TPRG1: variants seen among roughly 807,000 people sequenced by gnomAD.
TPRG1 encodes tumor protein p63 regulated 1.
In TPRG1, 29 loss-of-function variants were observed where a neutral mutation model predicts 29.3. That is an observed-to-expected ratio of 0.99 (90% CI 0.74 to 1.35). The LOEUF (loss-of-function observed/expected upper bound fraction) is 1.35. Among genes scored for constraint, TPRG1 ranks in the 40% most tolerant of loss-of-function variants. TPRG1 has a pLI of 0.00. For synonymous variants in TPRG1, 130 were observed against 116.8 expected, an observed-to-expected ratio of 1.11 and a Z score of -0.73; for missense variants, 327 against 335.0, an observed-to-expected ratio of 0.98 and a Z score of 0.19.
chr3:189,194,420 G>T (rs982735434), intron 1 of TPRG1, among the ~76,000 whole-genome samples: 3 of 152,168 alleles, frequency 2.0e-5, no homozygotes, highest in Admixed American at 6.5e-5. Context: ...CAGCTGTGGT[G>T]CAAAGGTCCT....
At position 189,215,354 on chromosome 3, in the gene TPRG1, G is replaced by A. The variant is rs1405868964; in HGVS notation, c.273G>A (p.Glu91=). The change falls in exon 3 of 6, where the codon GAG becomes GAA. Residue 91 remains glutamate (E), a synonymous_variant. Transcript: ENST00000345063. ...GTCACGTAGCTGAGACTTCTGGAGA[G>A]ACCATTCAAGGCTTCTGGCTCTTGA... The part of the protein sequence containing the change: ...LKGHVAETSG[E]TIQGFWLLTK... 6.2e-7 allele frequency: 1 copy of A among 1,612,386 alleles called. No homozygotes were observed. The highest frequency in any genetic ancestry group is 8.5e-7 in the Non-Finnish European group (1 of 1,179,282).
At chr3:189,297,234 T>C (rs1720093125) in intron 4 of TPRG1, among the ~76,000 whole-genome samples, 1 of 151,966 alleles carries the variant, frequency 6.6e-6, no homozygotes, top group African/African-American at 2.4e-5. Context: ...GCCTGCCTCA[T>C]CATCCCAAAG....
At chr3:189,250,097 C>T (rs543993973) in intron 4 of TPRG1, among the ~76,000 whole-genome samples, 1 of 152,260 alleles carries the variant, frequency 6.6e-6, no homozygotes, top group African/African-American at 2.4e-5. Flanking sequence ...CCAATTGTTA[C>T]CACTGGGGAC....
At chr3:189,268,700 G>A (rs1714552136) in intron 4 of TPRG1, among the ~76,000 whole-genome samples, 1 of 152,164 alleles carries the variant, frequency 6.6e-6, no homozygotes, top group Admixed American at 6.5e-5. Context: ...TTCTTCTAGG[G>A]AAGGGCTCCT....
intron 5 of TPRG1, among the ~76,000 whole-genome samples, chr3:189,158,481 C>A (rs1450055387): frequency 6.6e-6 from 1 of 151,904 alleles, no homozygotes; most frequent in Non-Finnish European, 1.5e-5. Flanking sequence ...TGGTGGCTTG[C>A]GGCTGTAATC....
intron 4 of TPRG1, among the ~76,000 whole-genome samples, chr3:189,274,165 T>C (rs775019353): frequency 6.6e-6 from 1 of 151,958 alleles, no homozygotes; most frequent in Non-Finnish European, 1.5e-5. Context: ...CTAATGACCC[T>C]GACCTCAGAG....
chr3:189,245,214 G>A lies in TPRG1; in HGVS notation c.479+6305G>A, dbSNP rs146364297. 3.0e-4 allele frequency among the ~76,000 whole-genome samples: 46 copies of A among 152,164 alleles called. No homozygotes were observed. In the East Asian group the frequency reaches 7.0e-3, roughly 23 times the overall value. ...TGGGATTACAGGTGTGAGCCACTGC[G>A]CCCGGTTCATTTCTACTCTTTTCCT... On this transcript the variant is annotated intron_variant, in intron 4 of 5. Transcript: ENST00000345063.
chr3:189,192,208 AG>A (rs2108745140), intron 1 of TPRG1, among the ~76,000 whole-genome samples: 1 of 152,326 alleles, frequency 6.6e-6, no homozygotes, highest in Non-Finnish European at 1.5e-5. Flanking sequence ...CAGGTTTAGA[AG>A]AAAGGATTTC....
upstream of TPRG1, among the ~76,000 whole-genome samples, chr3:189,169,232 T>A (rs1326086824): frequency 6.6e-6 from 1 of 152,196 alleles, no homozygotes; most frequent in Non-Finnish European, 1.5e-5. Flanking sequence ...TGGAGCGATC[T>A]TGGCTCACTG....
chr3:189,260,017 T>C (rs1712711385), intron 4 of TPRG1, among the ~76,000 whole-genome samples: 1 of 152,164 alleles, frequency 6.6e-6, no homozygotes, highest in Admixed American at 6.5e-5. Flanking sequence ...AATGAGGAGA[T>C]AGAATATAGA....
At chr3:189,038,041 A>C (rs1714387567) in intron 4 of TPRG1, among the ~76,000 whole-genome samples, 1 of 151,796 alleles carries the variant, frequency 6.6e-6, no homozygotes. Context: ...AAACTTATAC[A>C]GAGAAACTTA....
intron 4 of TPRG1, among the ~76,000 whole-genome samples, chr3:189,282,994 G>C (rs966334784): frequency 6.6e-6 from 1 of 152,216 alleles, no homozygotes; most frequent in African/African-American, 2.4e-5. Context: ...TAGATGAAGT[G>C]ATGCTGTATA....
exon 3 of TPRG1, chr3:189,004,616 C>A (rs1251421609): frequency 6.6e-6 from 1 of 152,130 alleles, no homozygotes; most frequent in African/African-American, 2.4e-5. Flanking sequence ...ACCACAGAAC[C>A]CTGAATGACT....
intron 2 of TPRG1, among the ~76,000 whole-genome samples, chr3:189,129,617 T>G (rs752639818): frequency 6.6e-6 from 1 of 152,232 alleles, no homozygotes; most frequent in African/African-American, 2.4e-5. Flanking sequence ...CCATTGTTAT[T>G]ATGATGTTGT....
chr3:189,164,225 C>T (rs1163043005), intron 5 of TPRG1, among the ~76,000 whole-genome samples: 4 of 151,652 alleles, frequency 2.6e-5, no homozygotes, highest in Non-Finnish European at 4.4e-5. Flanking sequence ...TGCAGTGGTG[C>T]GATCTCCACT....
chr3:189,029,919 A>G (rs1238459959), intron 4 of TPRG1, among the ~76,000 whole-genome samples: 1 of 152,228 alleles, frequency 6.6e-6, no homozygotes, highest in African/African-American at 2.4e-5. Flanking sequence ...AGGCCGCACC[A>G]TAAGCAGATA....
Position 189,321,684 on chromosome 3 carries a change from T to A in TPRG1, c.*864T>A, listed in dbSNP as rs527529685. 5 of 152,148 alleles carry A rather than the reference T, an allele frequency of 3.3e-5. No individual in the cohort carries two copies. The highest frequency in any genetic ancestry group is 2.0e-4 in the Admixed American group (3 of 15,256). 9.4% of individuals were successfully genotyped at this position (152,148 alleles called of 1,614,324 possible). A position where few individuals can be genotyped will look rare whatever the true frequency, so the allele number is the denominator to read the frequency against. On this transcript the variant is annotated 3_prime_UTR_variant, in exon 6 of 6. Coordinates refer to ENST00000345063, the MANE Select transcript of TPRG1 (RefSeq NM_198485.4). The stretch of plus-strand genomic sequence containing the variant: ...GTTTCAATCTATCCTACACTTGGTT[T>A]CTAGCTCATTTACTTATACCATCTT...
At chr3:189,254,308 T>G (rs1004734548) in intron 4 of TPRG1, among the ~76,000 whole-genome samples, 5 of 152,204 alleles carry the variant, frequency 3.3e-5, no homozygotes, top group South Asian at 2.1e-4. Flanking sequence ...TTTTGTTAGG[T>G]TTGTCAAAGA....
chr3:189,094,607 C>T (rs572097083), intron 4 of TPRG1, among the ~76,000 whole-genome samples: 2 of 152,290 alleles, frequency 1.3e-5, no homozygotes, highest in Admixed American at 6.5e-5. Flanking sequence ...CTTAAATTTG[C>T]GTCATTTGTT....
Sources: gnomAD v4.1 joint callset for allele counts (sites outside exome capture counted in the v4.1 genomes callset) on GRCh38, gnomAD v4.1.1 for gene constraint, MANE v1.5 for transcripts, NCBI Gene and HGNC (gene_info 2026-07-23, HGNC 2026-07-21) for gene names.